Variants in NAA60 observed in about 807,000 individuals in gnomAD.
NAA60 encodes N-alpha-acetyltransferase 60.
A neutral mutation model predicts 26.1 loss-of-function variants in NAA60; 8 were observed. That is an observed-to-expected ratio of 0.31 (90% confidence interval 0.18 to 0.55). The LOEUF is 0.55. NAA60 is among the 20% of genes least tolerant of loss of function. NAA60 has a pLI of 0.93. For synonymous variants in NAA60, 131 were observed against 122.5 expected (o/e 1.07, Z -0.46); for missense variants, 290 against 311.3 (o/e 0.93, Z 0.51).
intron 2 of NAA60, among the ~76,000 whole-genome samples, chr16:3,468,638 T>G (rs1038868360): frequency 1.5e-4 from 23 of 152,306 alleles, no homozygotes; most frequent in African/African-American, 5.5e-4. Context: ...GGCTTTTGTT[T>G]GGGTCAAGCA....
At position 3,448,510 on chromosome 16, in the gene NAA60, C is replaced by G. The variant is rs2034645207; in HGVS notation, c.-37C>G. The G allele has an allele frequency of 6.5e-7, 1 of 1,535,552 alleles. No individual in the cohort carries two copies. ...GTACCTGGAGGAAGGAAGTGCGGAG[C>G]CAGCCTGAGTTGGGAGAAGAGCTCC... is the stretch of plus-strand genomic sequence containing the variant. On this transcript the variant is annotated 5_prime_UTR_variant, in exon 2 of 8. Transcript: ENST00000407558.
chr16:3,477,795 G>A (rs2036573565), intron 3 of NAA60, among the ~76,000 whole-genome samples: 1 of 152,180 alleles, frequency 6.6e-6, no homozygotes, highest in Non-Finnish European at 1.5e-5. Flanking sequence ...GCCGGGCGCA[G>A]TGGCTCACGC....
chr16:3,456,206 G>A (rs569456053), intron 2 of NAA60, among the ~76,000 whole-genome samples: 1 of 152,182 alleles, frequency 6.6e-6, no homozygotes, highest in African/African-American at 2.4e-5. Flanking sequence ...TACTCACATG[G>A]GGGTCTTGTT....
rs749379945 is a variant in NAA60 at position 3,484,755 on chromosome 16, C to T, written c.629C>T (p.Pro210Leu). ...ALASLSPCSI[P>L]HRVYRQAHSL... is the part of the protein sequence containing the mutation. ...GCCAGCCTGAGCCCCTGCTCCATTC[C>T]GCACAGAGTCTACCGCCAGGCCCAC... The change falls in exon 7 of 8, where the codon CCG becomes CTG. Residue 210 changes from proline (P) to leucine (L), a missense_variant. By Grantham distance (98) the Pro-to-Leu change is moderately conservative. Coordinates refer to ENST00000407558, the MANE Select transcript of NAA60 (RefSeq NM_001083601.3). The T allele has an allele frequency of 6.9e-6, 11 of 1,594,232 alleles. No individual in the cohort carries two copies. The highest frequency in any genetic ancestry group is 2.3e-5 in the East Asian group (1 of 43,470).
chr16:3,464,672 A>C (rs1308955558), intron 2 of NAA60, among the ~76,000 whole-genome samples: 3 of 152,212 alleles, frequency 2.0e-5, no homozygotes, highest in African/African-American at 7.2e-5. Flanking sequence ...ACGTTTTACT[A>C]TCATTTGACT....
At chr16:3,463,512 A>G (rs1338626798) in intron 2 of NAA60, among the ~76,000 whole-genome samples, 2 of 146,134 alleles carry the variant, frequency 1.4e-5, no homozygotes, top group East Asian at 4.1e-4. Flanking sequence ...AGATCGTGCC[A>G]CTGCACTCCA....
At chr16:3,446,734 C>G (rs963614990) in intron 1 of NAA60, among the ~76,000 whole-genome samples, 41 of 151,830 alleles carry the variant, frequency 2.7e-4, no homozygotes, top group African/African-American at 9.9e-4. Flanking sequence ...CCTCAGCTAC[C>G]AGAGTAGATG....
Position 3,458,216 on chromosome 16 carries a change from C to T in NAA60, c.-7+9676C>T, listed in dbSNP as rs2035113731. 2.2e-5 allele frequency: 22 copies of T among 982,696 alleles called. No homozygotes were observed. The South Asian group carries it at 9.4e-4, about 42-fold the overall frequency. The allele number at this position is 982,696 out of a possible 1,614,324, so 60.9% of individuals were successfully genotyped here. A position where few individuals can be genotyped will look rare whatever the true frequency, so the allele number is the denominator to read the frequency against. ...CGGGGGGCGGCCGCCGGGGCTCGGA[C>T]CTGCGGCGGGGCGCCGAGGGGGCGG... is the stretch of plus-strand genomic sequence containing the variant. On this transcript the variant is annotated intron_variant, in intron 2 of 7. Transcript: ENST00000407558.
chr16:3,480,087 C>T (rs2036730906), intron 4 of NAA60, among the ~76,000 whole-genome samples: 1 of 152,148 alleles, frequency 6.6e-6, no homozygotes, highest in African/African-American at 2.4e-5. Context: ...ACCTCAGTCT[C>T]ACTTCAGGCT....
chr16:3,469,292 CAGGGCCCG>C (rs1567382135), intron 2 of NAA60, among the ~76,000 whole-genome samples: 2 of 131,966 alleles, frequency 1.5e-5, no homozygotes, highest in African/African-American at 5.7e-5. Flanking sequence ...ACCTGCCTGG[CAGGGCCCG>C]TCTCTGACTT....
intron 4 of NAA60, among the ~76,000 whole-genome samples, chr16:3,481,552 C>T (rs1166450279): frequency 1.1e-4 from 16 of 152,174 alleles, no homozygotes; most frequent in Admixed American, 1.0e-3. Context: ...TTTGTGTTCC[C>T]TCGAGGCCGA....
rs573641454 is a variant in NAA60 at position 3,484,795 on chromosome 16, C to G, written c.669C>G (p.Ser223Arg). The change falls in exon 7 of 8, where the codon AGC becomes AGG. Residue 223 changes from serine (S) to arginine (R), a missense_variant. Ser to Arg is a moderately radical substitution (Grantham distance 110). Coordinates refer to ENST00000407558, the MANE Select transcript of NAA60 (RefSeq NM_001083601.3). ...VYRQAHSLLC[S>R]FLPWSGISSK... ...GCCAGGCCCACAGCCTGCTCTGCAG[C>G]TTCCTGCCATGGTCGGGCATCTCTT... The G allele has an allele frequency of 4.7e-5, 75 of 1,582,654 alleles. No individual in the cohort carries two copies. Among genetic ancestry groups the G allele is most frequent in the Non-Finnish European group, 6.3e-5 (73 of 1,165,482 alleles).
In NAA60 at chr16:3,479,490, C is replaced by T. The variant is rs748506439; in HGVS notation, c.130C>T (p.Arg44Cys). The change falls in exon 4 of 8, where the codon CGT becomes TGT. Residue 44 changes from arginine to cysteine, a missense_variant. By Grantham distance (180) the Arg-to-Cys change is radical (BLOSUM62 -3). Coordinates refer to ENST00000407558, the MANE Select transcript of NAA60 (RefSeq NM_001083601.3). ...FPIEYPDSWY[R>C]DITSNKKFFS... ...TCTCAGGTACCCAGACTCATGGTAT[C>T]GTGATATCACATCCAACAAGAAGTT... is the stretch of plus-strand genomic sequence containing the variant. 2 of 1,613,944 alleles carry T rather than the reference C, an allele frequency of 1.2e-6. No individual in the cohort carries two copies. Among genetic ancestry groups the T allele is most frequent in the South Asian group, 1.1e-5 (1 of 91,078 alleles).
chr16:3,453,409 G>GA (rs200234589), intron 2 of NAA60, among the ~76,000 whole-genome samples: 1 of 150,840 alleles, frequency 6.6e-6, no homozygotes, highest in African/African-American at 2.4e-5. Context: ...ATGAAATCAT[G>GA]AAAAAAAATT....
chr16:3,477,701 C>T (rs1176211717), intron 3 of NAA60, among the ~76,000 whole-genome samples: 2 of 149,938 alleles, frequency 1.3e-5, no homozygotes, highest in Non-Finnish European at 3.0e-5. Flanking sequence ...CTTTGGGAGG[C>T]CAAGGCAGGC....
At chr16:3,478,546 G>C (rs542983812) in intron 3 of NAA60, among the ~76,000 whole-genome samples, 1 of 152,294 alleles carries the variant, frequency 6.6e-6, no homozygotes, top group East Asian at 1.9e-4. Context: ...TTGTCTCTCT[G>C]GGGCTGGGGC....
chr16:3,459,808 G>A (rs2035258822), intron 2 of NAA60, among the ~76,000 whole-genome samples: 1 of 152,194 alleles, frequency 6.6e-6, no homozygotes, highest in African/African-American at 2.4e-5. Context: ...GTTGTAACTT[G>A]AAGTGACTTT....
intron 2 of NAA60, chr16:3,458,041 T>A (rs926538490): frequency 4.1e-6 from 4 of 985,222 alleles, no homozygotes; most frequent in Non-Finnish European, 3.6e-6. Context: ...TGCCGCGGGC[T>A]GCCGCCTCCG....
chr16:3,461,272 G>C (rs1344049261), intron 2 of NAA60, among the ~76,000 whole-genome samples: 1 of 152,176 alleles, frequency 6.6e-6, no homozygotes, highest in Non-Finnish European at 1.5e-5. Flanking sequence ...TCTGAACCGG[G>C]GGAGCCAGGG....
Sources: allele counts gnomAD v4.1 joint callset (sites outside exome capture counted in the v4.1 genomes callset), GRCh38; gene constraint gnomAD v4.1.1; transcripts MANE v1.5; gene names NCBI Gene and HGNC (gene_info 2026-07-23, HGNC 2026-07-21).